The following BACH2 variants were observed in gnomAD, a reference collection of about 807,000 sequenced individuals.
The protein encoded by BACH2 is BACH transcriptional regulator 2, also known as transcription regulator protein BACH2.
Under a neutral mutation model 61.8 loss-of-function variants are expected in BACH2, and 5 were observed. The ratio of observed to expected loss-of-function variants is 0.08; its 90% CI spans 0.04 to 0.17. BACH2 has a LOEUF of 0.17. Ranked by LOEUF, BACH2 falls within the 10% of genes least tolerant of loss-of-function variation. The pLI, the probability that BACH2 is intolerant of heterozygous loss-of-function variation, is 1.00. For missense variants in BACH2, 824 were observed against 1,091.1 expected (o/e 0.76, Z 3.45); for synonymous variants, 446 against 440.1 (o/e 1.01, Z -0.17).
At chr6:90,004,562 A>G (rs1554226946) in intron 6 of BACH2, among the ~76,000 whole-genome samples, 2 of 152,202 alleles carry the variant, frequency 1.3e-5, no homozygotes, top group Non-Finnish European at 2.9e-5. Context: ...GCCACGTAAG[A>G]ATAGTGTTGA....
intron 4 of BACH2, among the ~76,000 whole-genome samples, chr6:90,110,719 A>G (rs1337481067): frequency 1.3e-5 from 2 of 152,198 alleles, no homozygotes; most frequent in East Asian, 3.8e-4. Context: ...AAATACCCAA[A>G]TTGGAGTAAC....
chr6:90,151,697 C>T (rs1003614963), intron 4 of BACH2, among the ~76,000 whole-genome samples: 1 of 152,228 alleles, frequency 6.6e-6, no homozygotes, highest in Non-Finnish European at 1.5e-5. Context: ...TGGTTGACTA[C>T]CACATCTTGC....
intron 1 of BACH2, among the ~76,000 whole-genome samples, chr6:90,279,784 A>G (rs894084065): frequency 5.3e-5 from 8 of 152,218 alleles, no homozygotes; most frequent in Non-Finnish European, 8.8e-5. Flanking sequence ...AAGTCATTTA[A>G]GAACTTTTTA....
At chr6:89,996,231 T>G (rs1264151295) in intron 6 of BACH2, among the ~76,000 whole-genome samples, 1 of 152,322 alleles carries the variant, frequency 6.6e-6, no homozygotes, top group African/African-American at 2.4e-5. Flanking sequence ...TTGGTATCTC[T>G]GAAAGGCCCC....
Position 90,164,634 on chromosome 6 carries a change from C to T in BACH2, c.-162+41935G>A, listed in dbSNP as rs1023853651. Among the ~76,000 whole-genome samples, 84 of 152,290 alleles carry T rather than the reference C, an allele frequency of 5.5e-4. 1 individual carries two copies. Among genetic ancestry groups the T allele is most frequent in the Admixed American group, 2.3e-3 (35 of 15,298 alleles). On this transcript the variant is annotated intron_variant, in intron 4 of 8. Coordinates refer to ENST00000257749, the MANE Select transcript of BACH2 (RefSeq NM_021813.4). ...AAAAAAGAGAATTTTAGACCAATAT[C>T]CTTGATGAACATTGATGCAAAAATC... is the stretch of plus-strand genomic sequence containing the variant.
intron 4 of BACH2, among the ~76,000 whole-genome samples, chr6:90,110,715 C>T (rs917035252): frequency 6.6e-6 from 1 of 152,064 alleles, no homozygotes; most frequent in African/African-American, 2.4e-5. Flanking sequence ...AAACAAATAC[C>T]CAAATTGGAG....
At chr6:89,941,168 C>G (rs763920397) in intron 7 of BACH2, among the ~76,000 whole-genome samples, 5 of 152,174 alleles carry the variant, frequency 3.3e-5, no homozygotes, top group Non-Finnish European at 7.4e-5. Flanking sequence ...TGATCCTGAG[C>G]CCAGGTTTCT....
At chr6:90,050,277 A>G (rs1264981517) in intron 5 of BACH2, among the ~76,000 whole-genome samples, 1 of 152,230 alleles carries the variant, frequency 6.6e-6, no homozygotes, top group Non-Finnish European at 1.5e-5. Context: ...AAGGCAGAGT[A>G]ATGAATTTTA....
At chr6:90,236,496 G>A (rs1266081756) in intron 3 of BACH2, among the ~76,000 whole-genome samples, 1 of 152,188 alleles carries the variant, frequency 6.6e-6, no homozygotes, top group East Asian at 1.9e-4. Flanking sequence ...TAGACACCTT[G>A]CAAAGGAAGA....
rs565733907 is a variant in BACH2 at position 90,124,287 on chromosome 6, C to T, written c.-161-35178G>A. Among the ~76,000 whole-genome samples, 42 of 152,276 alleles carry T rather than the reference C, an allele frequency of 2.8e-4. No individual in the cohort carries two copies. In the South Asian group the frequency reaches 6.4e-3, roughly 23 times the overall value. ...GTTTATGTAAAGCTTGATACAGATG[C>T]ATTATGAAGTATTAAACAATACAGA... On this transcript the variant is annotated intron_variant, in intron 4 of 8. Transcript: ENST00000257749.
At chr6:89,938,408 G>T in intron 7 of BACH2, 58 bp from the exon 8 acceptor site, 2 of 1,469,436 alleles carry the variant, frequency 1.4e-6, no homozygotes, top group Non-Finnish European at 1.9e-6. Flanking sequence ...TCTGGCAGGC[G>T]GAACATCAAA....
intron 1 of BACH2, among the ~76,000 whole-genome samples, chr6:90,294,773 G>A (rs1772285734): frequency 6.6e-6 from 1 of 152,154 alleles, no homozygotes; most frequent in Non-Finnish European, 1.5e-5. Context: ...CGCCAAAGGA[G>A]GGGCAGCCTT....
chr6:89,993,980 T>C (rs1582158568), intron 6 of BACH2, among the ~76,000 whole-genome samples: 1 of 152,122 alleles, frequency 6.6e-6, no homozygotes, highest in African/African-American at 2.4e-5. Context: ...TTACTGAACA[T>C]TGTGATATAT....
At chr6:90,188,837 C>T (rs1244686556) in intron 4 of BACH2, among the ~76,000 whole-genome samples, 2 of 138,290 alleles carry the variant, frequency 1.4e-5, no homozygotes, top group African/African-American at 5.4e-5. Flanking sequence ...AAATAAAAAA[C>T]AACATCAGTT....
chr6:89,995,621 A>T (rs1490528616), intron 6 of BACH2, among the ~76,000 whole-genome samples: 1 of 152,168 alleles, frequency 6.6e-6, no homozygotes, highest in Non-Finnish European at 1.5e-5. Context: ...TGGTATAATA[A>T]TAGTGTCCAT....
At position 90,154,474 on chromosome 6, in the gene BACH2, G is replaced by A. The variant is rs79962019; in HGVS notation, c.-162+52095C>T. Among the ~76,000 whole-genome samples the A allele has an allele frequency of 4.7e-3, 712 of 152,310 alleles. 1 individual carries two copies. The highest frequency in any genetic ancestry group is 0.016 in the African/African-American group (667 of 41,572). ...GATGAGAAACTGAGACCTAGAAGGA[G>A]TAGGTGACTTTCTCAAGGCCACTCT... On this transcript the variant is annotated intron_variant, in intron 4 of 8. Coordinates refer to ENST00000257749, the MANE Select transcript of BACH2 (RefSeq NM_021813.4).
chr6:90,092,925 C>T (rs1160561228), intron 4 of BACH2, among the ~76,000 whole-genome samples: 1 of 152,006 alleles, frequency 6.6e-6, no homozygotes, highest in Non-Finnish European at 1.5e-5. Flanking sequence ...TCCTGGAGGC[C>T]AAGGAACCAT....
At chr6:90,082,114 A>G (rs1781750896) in intron 5 of BACH2, among the ~76,000 whole-genome samples, 1 of 152,242 alleles carries the variant, frequency 6.6e-6, no homozygotes, top group Non-Finnish European at 1.5e-5. Context: ...ATTGGAGTTC[A>G]TATTGTTTGG....
chr6:90,052,638 C>T (rs1002093124), intron 5 of BACH2, among the ~76,000 whole-genome samples: 2 of 152,172 alleles, frequency 1.3e-5, no homozygotes, highest in South Asian at 2.1e-4. Flanking sequence ...CCAGGCTGGT[C>T]TTGAACTCCT....
Sources: allele counts gnomAD v4.1 joint callset (sites outside exome capture counted in the v4.1 genomes callset), GRCh38; gene constraint gnomAD v4.1.1; transcripts MANE v1.5; gene names NCBI Gene and HGNC (gene_info 2026-07-23, HGNC 2026-07-21).